Variants in ZSCAN1 observed in about 807,000 individuals in gnomAD.
ZSCAN1 encodes zinc finger and SCAN domain containing 1, also known as zinc finger and SCAN domain-containing protein 1.
Under a neutral mutation model 23.8 loss-of-function variants are expected in ZSCAN1, and 23 were observed. That is an observed-to-expected ratio of 0.97 (90% CI 0.70 to 1.37). The LOEUF is 1.37. Among genes scored for constraint, ZSCAN1 ranks in the 40% most tolerant of loss-of-function variants. ZSCAN1 has a pLI of 0.00. For synonymous variants in ZSCAN1, 236 were observed against 232.3 expected (o/e 1.02, Z -0.15); for missense variants, 575 against 554.0 (o/e 1.04, Z -0.38).
At position 58,053,346 on chromosome 19, in the gene ZSCAN1, G is replaced by C. The variant is rs1197410063; in HGVS notation, c.605-83G>C. Reference sequence around the variant, plus strand: ...GCCTGGACTTGGCTCAGTCACTGGGGTCCTCCGTGCCCCTGGGGAGCACAG... The same window carrying C: ...GCCTGGACTTGGCTCAGTCACTGGGCTCCTCCGTGCCCCTGGGGAGCACAG... On this transcript the variant is annotated intron_variant, in intron 5 of 5. Coordinates refer to ENST00000282326, the MANE Select transcript of ZSCAN1 (RefSeq NM_182572.4). This position sits in a 1 kb window ranked among gnomAD's most constrained non-coding sequence, Gnocchi z 5.8. The C allele has an allele frequency of 1.3e-6, 2 of 1,522,714 alleles. No individual in the cohort carries two copies. The highest frequency in any genetic ancestry group is 1.8e-6 in the Non-Finnish European group (2 of 1,131,606). 94.3% of individuals were successfully genotyped at this position (1,522,714 alleles called of 1,614,324 possible). A position where few individuals can be genotyped will look rare whatever the true frequency, so the allele number is the denominator to read the frequency against.
chr19:58,042,460 G>A (rs2073796804), intron 4 of ZSCAN1, among the ~76,000 whole-genome samples: 1 of 151,974 alleles, frequency 6.6e-6, no homozygotes, highest in African/African-American at 2.4e-5. Context: ...GGGTTTCACC[G>A]TGTTCACCAG....
At position 58,040,487 on chromosome 19, in the gene ZSCAN1, G is replaced by T. The variant is rs767685924; in HGVS notation, c.408G>T (p.Trp136Cys). 14 of 1,613,542 alleles carry T rather than the reference G, an allele frequency of 8.7e-6. No homozygotes were observed. The highest frequency in any genetic ancestry group is 6.7e-5 in the Admixed American group (4 of 60,004). ...VSLDSVEPQDWSFGEEEDGKS... is the reference protein window; with the variant it reads ...VSLDSVEPQDCSFGEEEDGKS... ...TGGACTCGGTCGAACCCCAGGACTG[G>T]AGTTTCGGTGAGGAGGAAGATGGGA... Residue 136 changes from tryptophan to cysteine, a missense_variant, in exon 4 of 6, where the codon TGG (tryptophan) becomes TGT (cysteine). Coordinates refer to ENST00000282326, the MANE Select transcript of ZSCAN1 (RefSeq NM_182572.4). This position sits in a 1 kb window ranked among gnomAD's most constrained non-coding sequence, Gnocchi z 5.8.
intron 4 of ZSCAN1, among the ~76,000 whole-genome samples, chr19:58,042,302 G>A (rs2073795134): frequency 6.6e-6 from 1 of 151,666 alleles, no homozygotes; most frequent in Non-Finnish European, 1.5e-5. Flanking sequence ...CTGTAGCCCA[G>A]GCTGGAGTGC....
intron 1 of ZSCAN1, among the ~76,000 whole-genome samples, chr19:58,034,605 C>G (rs1370627130): frequency 6.6e-6 from 1 of 151,042 alleles, no homozygotes; most frequent in Non-Finnish European, 1.5e-5. Flanking sequence ...CCGGACCCAT[C>G]TCCCTCCCTA....
intron 4 of ZSCAN1, chr19:58,046,406 T>G (rs1017638785): frequency 9.1e-6 from 8 of 879,724 alleles, no homozygotes; most frequent in Non-Finnish European, 1.4e-5. Context: ...GTGCAGCAGA[T>G]AATCGGGCAG....
Position 58,052,586 on chromosome 19 carries a change from A to T in ZSCAN1, c.562A>T (p.Thr188Ser). 1 of 1,613,368 alleles carries T rather than the reference A, an allele frequency of 6.2e-7. No homozygotes were observed. The highest frequency in any genetic ancestry group is 1.3e-5 in the African/African-American group (1 of 75,060). Residue 188 changes from threonine to serine, a missense_variant, in exon 5 of 6, where the codon ACC becomes TCC. Transcript: ENST00000282326. ...ETTQLQQSLH[T>S]RAEAEAPRAP... ...TACCCAGCTCCAGCAGAGTCTGCAC[A>T]CCAGGGCGGAGGCCGAAGCGCCCCG...
At position 58,052,553 on chromosome 19, in the gene ZSCAN1, C is replaced by T; in HGVS notation, c.529C>T (p.Leu177=). The T allele has an allele frequency of 6.2e-7, 1 of 1,614,020 alleles. No individual in the cohort carries two copies. The highest frequency in any genetic ancestry group is 8.5e-7 in the Non-Finnish European group (1 of 1,180,036). The part of the protein sequence containing the change: ...APALPEESEW[L]ETTQLQQSLH... Reference sequence around the variant, plus strand: ...AGCACTCCCCGAGGAAAGTGAGTGGCTGGAGACTACCCAGCTCCAGCAGAG... The same window carrying T: ...AGCACTCCCCGAGGAAAGTGAGTGGTTGGAGACTACCCAGCTCCAGCAGAG... The change falls in exon 5 of 6, where the codon CTG becomes TTG. Residue 177 remains leucine (L), a synonymous_variant. Coordinates refer to ENST00000282326, the MANE Select transcript of ZSCAN1 (RefSeq NM_182572.4).
At position 58,047,771 on chromosome 19, in the gene ZSCAN1, G is replaced by A. The variant is rs1322099493; in HGVS notation, c.466-4719G>A. ...AGGCTGGTCACCGAGGCACGAAGAC[G>A]AGGCACAGGGCATCCCCTGGGGCTT... On this transcript the variant is annotated intron_variant, in intron 4 of 5. Transcript: ENST00000282326. The surrounding 1 kb of genome is among the most constrained non-coding windows in gnomAD (Gnocchi z 4.9). 6.6e-6 allele frequency among the ~76,000 whole-genome samples: 1 copy of A among 152,176 alleles called. No individual in the cohort carries two copies. Among genetic ancestry groups the A allele is most frequent in the Non-Finnish European group, 1.5e-5 (1 of 68,026 alleles).
chr19:58,045,961 G>A lies in ZSCAN1; in HGVS notation c.465+5417G>A. Reference sequence around the variant, plus strand: ...CAAGCAGGTGGACAAGGCCAAGCTAGAGGCCACACTGCAGGAGAAGGCGAC... The same window carrying A: ...CAAGCAGGTGGACAAGGCCAAGCTAAAGGCCACACTGCAGGAGAAGGCGAC... On this transcript the variant is annotated intron_variant, in intron 4 of 5. Transcript: ENST00000282326. The surrounding 1 kb of genome is among the most constrained non-coding windows in gnomAD (Gnocchi z 4.3). 1.3e-6 allele frequency: 1 copy of A among 791,198 alleles called. No homozygotes were observed. Among genetic ancestry groups the A allele is most frequent in the Non-Finnish European group, 2.2e-6 (1 of 449,158 alleles). 49.0% of individuals were successfully genotyped at this position (791,198 alleles called of 1,614,324 possible). A position where few individuals can be genotyped will look rare whatever the true frequency, so the allele number is the denominator to read the frequency against.
At chr19:58,039,994 A>T (rs2073774552) in intron 3 of ZSCAN1, among the ~76,000 whole-genome samples, 1 of 152,002 alleles carries the variant, frequency 6.6e-6, no homozygotes. Flanking sequence ...TCAGCCTCCC[A>T]AAGTGCTGGG....
intron 1 of ZSCAN1, among the ~76,000 whole-genome samples, chr19:58,035,101 C>G (rs2073725373): frequency 6.6e-6 from 1 of 152,098 alleles, no homozygotes; most frequent in Non-Finnish European, 1.5e-5. Context: ...GTGACACTCT[C>G]TCACACACAC....
In ZSCAN1 at chr19:58,054,351, A is replaced by G. The variant is rs2073879351; in HGVS notation, c.*300A>G. ...GTTTCATTCGCGTCCCATCTTTCAGAAGCCTTGTCCAGGTCTCCCTGTTAG... is the reference window on the plus strand; with the variant it reads ...GTTTCATTCGCGTCCCATCTTTCAGGAGCCTTGTCCAGGTCTCCCTGTTAG... On this transcript the variant is annotated 3_prime_UTR_variant, in exon 6 of 6. Transcript: ENST00000282326. This position sits in a 1 kb window ranked among gnomAD's most constrained non-coding sequence, Gnocchi z 4.2. 1 of 308,442 alleles carries G rather than the reference A, an allele frequency of 3.2e-6. No individual in the cohort carries two copies. Among genetic ancestry groups the G allele is most frequent in the South Asian group, 1.1e-4 (1 of 9,020 alleles). The allele number at this position is 308,442 out of a possible 1,614,324, so 19.1% of individuals were successfully genotyped here. A position where few individuals can be genotyped will look rare whatever the true frequency, so the allele number is the denominator to read the frequency against.
chr19:58,034,331 G>A (rs1414756197), intron 1 of ZSCAN1, among the ~76,000 whole-genome samples, 170 bp downstream of exon 1: 1 of 150,392 alleles, frequency 6.6e-6, no homozygotes. Flanking sequence ...CCGGGCCGGG[G>A]TTCCAGAGCC....
chr19:58,043,949 G>A (rs1015634392), intron 4 of ZSCAN1, among the ~76,000 whole-genome samples: 1 of 151,908 alleles, frequency 6.6e-6, no homozygotes, highest in African/African-American at 2.4e-5. Flanking sequence ...TTACAGGCGT[G>A]AGCCACTGTG....
chr19:58,047,525 A>G lies in ZSCAN1; in HGVS notation c.466-4965A>G, dbSNP rs1256949561. 3.9e-5 allele frequency among the ~76,000 whole-genome samples: 6 copies of G among 152,220 alleles called. No individual in the cohort carries two copies. Among genetic ancestry groups the G allele is most frequent in the Non-Finnish European group, 1.5e-5 (1 of 68,030 alleles). On this transcript the variant is annotated intron_variant, in intron 4 of 5. Transcript: ENST00000282326. The surrounding 1 kb of genome is among the most constrained non-coding windows in gnomAD (Gnocchi z 4.9). ...ACGCAACTCTGACGTAGCCCTAGCC[A>G]TGGGACTCCCTTGGGTGGTGCTTGG...
intron 1 of ZSCAN1, among the ~76,000 whole-genome samples, chr19:58,034,574 C>T (rs1337223240): frequency 6.6e-6 from 1 of 151,838 alleles, no homozygotes; most frequent in Non-Finnish European, 1.5e-5. Context: ...CGGGACCTAT[C>T]TCCCTCCTGA....
In ZSCAN1 at chr19:58,037,647, G is replaced by A. The variant is rs192655198; in HGVS notation, c.-109-81G>A. 2.5e-4 allele frequency: 164 copies of A among 668,692 alleles called. 1 individual carries two copies. In the East Asian group the frequency reaches 4.7e-3, roughly 19 times the overall value. 41.4% of individuals were successfully genotyped at this position (668,692 alleles called of 1,614,324 possible). Reference sequence around the variant, plus strand: ...CTTGGGGTGCTGGAGGTCAGAACAAGGAAGTAAGGAGCCGAGGGGCATCCT... The same window carrying A: ...CTTGGGGTGCTGGAGGTCAGAACAAAGAAGTAAGGAGCCGAGGGGCATCCT... On this transcript the variant is annotated intron_variant, in intron 2 of 5. Transcript: ENST00000282326.
chr19:58,044,959 A>C lies in ZSCAN1; in HGVS notation c.465+4415A>C, dbSNP rs550910537. On this transcript the variant is annotated intron_variant, in intron 4 of 5. Transcript: ENST00000282326. The stretch of plus-strand genomic sequence containing the variant: ...TGACTCGGTAGTAGAGAAGTCCCTC[A>C]AGTCCTTGAAGGACAAGAACAAGAA... The C allele has an allele frequency of 6.2e-4, 682 of 1,092,488 alleles. 3 individuals carry two copies. In the African/African-American group the frequency reaches 9.0e-3, roughly 14 times the overall value. The allele number at this position is 1,092,488 out of a possible 1,614,324, so 67.7% of individuals were successfully genotyped here. A position where few individuals can be genotyped will look rare whatever the true frequency, so the allele number is the denominator to read the frequency against.
In ZSCAN1 at chr19:58,045,116, C is replaced by A; in HGVS notation, c.465+4572C>A. 1 of 1,251,656 alleles carries A rather than the reference C, an allele frequency of 8.0e-7. No homozygotes were observed. Among genetic ancestry groups the A allele is most frequent in the Non-Finnish European group, 1.2e-6 (1 of 853,476 alleles). The allele number at this position is 1,251,656 out of a possible 1,614,324, so 77.5% of individuals were successfully genotyped here. On this transcript the variant is annotated intron_variant, in intron 4 of 5. Transcript: ENST00000282326. This position sits in a 1 kb window ranked among gnomAD's most constrained non-coding sequence, Gnocchi z 4.3. ...GCCTGCTACGGATCCACACCAAGAT[C>A]GCAGCACGCATGCTCTGGCGCATCC...
Sources: gnomAD v4.1 joint callset for allele counts (sites outside exome capture counted in the v4.1 genomes callset) on GRCh38, gnomAD v4.1.1 for gene constraint, Gnocchi (gnomAD v3.1) non-coding constraint, MANE v1.5 for transcripts, NCBI Gene and HGNC (gene_info 2026-07-23, HGNC 2026-07-21) for gene names.